SH3TC1: variants seen among roughly 807,000 people sequenced by gnomAD.
SH3TC1 encodes the protein SH3 domain and tetratricopeptide repeats 1.
In SH3TC1, 135 loss-of-function variants were observed where a neutral mutation model predicts 117.3. The ratio of observed to expected loss-of-function variants is 1.15; its 90% confidence interval spans 1.00 to 1.33. The LOEUF (loss-of-function observed/expected upper bound fraction) is 1.33. Among genes scored for constraint, SH3TC1 ranks in the 40% most tolerant of loss-of-function variants. The probability of loss-of-function intolerance (pLI) is 0.00; values close to 1 mark genes in which losing one functional copy is unlikely to be tolerated. For missense variants in SH3TC1, 2,092 were observed against 1,794.3 expected, an observed-to-expected ratio of 1.17 and a Z score of -3.00; for synonymous variants, 898 against 816.9, an observed-to-expected ratio of 1.10 and a Z score of -1.69.
Position 8,217,099 on chromosome 4 carries a change from G to A in SH3TC1, c.771G>A (p.Pro257=), listed in dbSNP as rs899557601. Residue 257 remains proline, a synonymous_variant, in exon 7 of 18, where the codon CCG becomes CCA. Coordinates refer to ENST00000245105, the MANE Select transcript of SH3TC1 (RefSeq NM_018986.5). ...CCCCGGAAACAGACTCTTCACCGCCGAGCCCCAGCGTGTCCTCCGAGGAGG... is the reference window on the plus strand; with the variant it reads ...CCCCGGAAACAGACTCTTCACCGCCAAGCCCCAGCGTGTCCTCCGAGGAGG... ...EAAPETDSSP[P]SPSVSSEEVA... is the part of the protein sequence containing the mutation. The A allele has an allele frequency of 3.7e-6, 6 of 1,613,220 alleles. No individual in the cohort carries two copies. Among genetic ancestry groups the A allele is most frequent in the African/African-American group, 2.7e-5 (2 of 74,924 alleles).
intron 10 of SH3TC1, chr4:8,224,973 C>G (rs1479736179): frequency 1.6e-6 from 1 of 611,192 alleles, no homozygotes; most frequent in Non-Finnish European, 2.9e-6. Flanking sequence ...GCTGGTTGCA[C>G]CTGACCCTGC....
Position 8,216,160 on chromosome 4 carries a change from G to C in SH3TC1, c.531G>C (p.Trp177Cys), listed in dbSNP as rs1253865348. Residue 177 changes from tryptophan (W) to cysteine (C), a missense_variant, in exon 6 of 18, where the codon TGG (tryptophan) becomes TGC (cysteine). Coordinates refer to ENST00000245105, the MANE Select transcript of SH3TC1 (RefSeq NM_018986.5). ...ACCTGCTCATGGACCAGGCCTTCTG[G>C]CTGCTCTTGCCCAGTGAGGAGGAGG... ...LANLLMDQAF[W>C]LLLPSEEEET... The C allele has an allele frequency of 1.2e-6, 2 of 1,613,684 alleles. No homozygotes were observed. Among genetic ancestry groups the C allele is most frequent in the Admixed American group, 3.3e-5 (2 of 60,010 alleles).
Position 8,183,826 on chromosome 4 carries a change from G to A in SH3TC1, c.-57+1616G>A, listed in dbSNP as rs113313487. 9.7e-3 allele frequency among the ~76,000 whole-genome samples: 1,476 copies of A among 152,120 alleles called. 8 individuals carry two copies. Among genetic ancestry groups the A allele is most frequent in the African/African-American group, 0.017 (719 of 41,480 alleles). The stretch of plus-strand genomic sequence containing the variant: ...TCCTTCGTCTTTACCTAACGCCTTC[G>A]CCTGCCCCGGGATCCCACCCAGGAC... On this transcript the variant is annotated intron_variant, in intron 1 of 16. Coordinates refer to the SH3TC1 transcript ENST00000508641. The surrounding 1 kb of genome is among the most constrained non-coding windows in gnomAD (Gnocchi z 5.4).
chr4:8,188,494 C>G (rs891817606), intron 1 of SH3TC1, among the ~76,000 whole-genome samples: 7 of 152,256 alleles, frequency 4.6e-5, no homozygotes, highest in Non-Finnish European at 7.3e-5. Context: ...CCCCAAGGTG[C>G]TTCAAACCTA....
At chr4:8,195,640 G>A (rs1012468185), upstream of SH3TC1, among the ~76,000 whole-genome samples, 1 of 152,204 alleles carries the variant, frequency 6.6e-6, no homozygotes, top group African/African-American at 2.4e-5. Flanking sequence ...ACCCGTGTGT[G>A]GATGTGGAGC....
chr4:8,215,879 G>A (rs914243546), intron 5 of SH3TC1, among the ~76,000 whole-genome samples: 5 of 152,234 alleles, frequency 3.3e-5, no homozygotes, highest in African/African-American at 1.2e-4. Context: ...ACTTGACCAC[G>A]GTTGCCGCTG....
At position 8,205,603 on chromosome 4, in the gene SH3TC1, C is replaced by G. The variant is rs767824148; in HGVS notation, c.172+237C>G. 6 of 773,552 alleles carry G rather than the reference C, an allele frequency of 7.8e-6. No homozygotes were observed. Among genetic ancestry groups the G allele is most frequent in the Non-Finnish European group, 1.2e-5 (5 of 425,382 alleles). 47.9% of individuals were successfully genotyped at this position (773,552 alleles called of 1,614,324 possible). A position where few individuals can be genotyped will look rare whatever the true frequency, so the allele number is the denominator to read the frequency against. ...AGCTCGTGTTTTTCCAGGGACGCGT[C>G]AGTGATAACAAAACTGGCAAAGAAC... is the stretch of plus-strand genomic sequence containing the variant. On this transcript the variant is annotated intron_variant, in intron 2 of 17. Coordinates refer to ENST00000245105, the MANE Select transcript of SH3TC1 (RefSeq NM_018986.5). The surrounding 1 kb of genome is among the most constrained non-coding windows in gnomAD (Gnocchi z 5.4).
At chr4:8,216,647 T>C (rs1281310151) in intron 6 of SH3TC1, among the ~76,000 whole-genome samples, 4 of 151,064 alleles carry the variant, frequency 2.6e-5, no homozygotes, top group Non-Finnish European at 4.5e-5. Context: ...CTGGGGTCAC[T>C]GGGGCAGTCC....
chr4:8,205,466 G>C lies in SH3TC1; in HGVS notation c.172+100G>C. On this transcript the variant is annotated intron_variant, in intron 2 of 17. Transcript: ENST00000245105. The surrounding 1 kb of genome is among the most constrained non-coding windows in gnomAD (Gnocchi z 5.4). ...CCCTCACCACCCTGCCTGCCTCCAG[G>C]CCTCTTGGGGCTGGGGCTGGAGTCT... 1.4e-6 allele frequency: 2 copies of C among 1,438,292 alleles called. No individual in the cohort carries two copies. The highest frequency in any genetic ancestry group is 1.9e-6 in the Non-Finnish European group (2 of 1,039,492). The allele number at this position is 1,438,292 out of a possible 1,614,324, so 89.1% of individuals were successfully genotyped here.
Position 8,237,771 on chromosome 4 carries a change from G to A in SH3TC1, c.3753+101G>A, listed in dbSNP as rs1351101254. ...TGTGTTCCAGCCTTCCTTAAGAATGGCCCAGTGGCCTCCCTGGAGCGCTGC... is the reference window on the plus strand; with the variant it reads ...TGTGTTCCAGCCTTCCTTAAGAATGACCCAGTGGCCTCCCTGGAGCGCTGC... On this transcript the variant is annotated intron_variant, in intron 17 of 17. Coordinates refer to ENST00000245105, the MANE Select transcript of SH3TC1 (RefSeq NM_018986.5). The A allele has an allele frequency of 3.1e-6, 4 of 1,281,350 alleles. No homozygotes were observed. In the African/African-American group the frequency reaches 4.6e-5, roughly 15 times the overall value. The allele number at this position is 1,281,350 out of a possible 1,614,324, so 79.4% of individuals were successfully genotyped here.
rs983972730 is a variant in SH3TC1 at position 8,232,128 on chromosome 4, C to T, written c.3103C>T (p.Gln1035Ter). The T allele has an allele frequency of 1.2e-6, 2 of 1,609,326 alleles. No homozygotes were observed. The highest frequency in any genetic ancestry group is 1.7e-6 in the Non-Finnish European group (2 of 1,179,452). The change falls in exon 13 of 18, where the codon CAG becomes TAG. Residue 1035 changes from glutamine to a stop codon, truncating the protein, a stop_gained. Coordinates refer to ENST00000245105, the MANE Select transcript of SH3TC1 (RefSeq NM_018986.5). LOFTEE classifies it high-confidence loss of function. ...GGGGCAGCTCCTGGAGACCATCAGC[C>T]AGCTCTACCTGTCCCTGGGCACCGA... ...LEGQLLETIS[Q>*]LYLSLGTERA...
At position 8,218,987 on chromosome 4, in the gene SH3TC1, G is replaced by A. The variant is rs539797916; in HGVS notation, c.917-348G>A. 4.9e-4 allele frequency among the ~76,000 whole-genome samples: 74 copies of A among 152,268 alleles called. 1 individual carries two copies. The highest frequency in any genetic ancestry group is 1.6e-3 in the African/African-American group (67 of 41,546). ...GGGTGGCCTGCGCACCTGTCAGGGG[G>A]ACTAAAGCCCCATGCAGGAGCCGGG... On this transcript the variant is annotated intron_variant, in intron 8 of 17. Coordinates refer to ENST00000245105, the MANE Select transcript of SH3TC1 (RefSeq NM_018986.5).
chr4:8,227,162 GA>G lies in SH3TC1; in HGVS notation c.1469del (p.Glu490GlyfsTer10). 6.2e-7 allele frequency: 1 copy of G among 1,606,826 alleles called. No homozygotes were observed. On this transcript the variant is annotated frameshift_variant, in exon 12 of 18. Transcript: ENST00000245105. LOFTEE classifies it high-confidence loss of function. ...GGAGCCCTCCTTCTGCTTGGAAGCC[GA>G]GGACGACTGGGAGGACCCAGAGGCC... ...PEEPSFCLEA[E>X]DDWEDPEALS...
In SH3TC1 at chr4:8,205,084, T is replaced by C. The variant is rs1425325294; in HGVS notation, c.-28-83T>C. On this transcript the variant is annotated intron_variant, in intron 1 of 17. Transcript: ENST00000245105. The surrounding 1 kb of genome is among the most constrained non-coding windows in gnomAD (Gnocchi z 5.4). ...GGCGCTCAGCAACGCTGGTGTTCTC[T>C]TTCTGGACCCCAGGCCTGGACACAA... 6 of 1,199,632 alleles carry C rather than the reference T, an allele frequency of 5.0e-6. No homozygotes were observed. In the East Asian group the frequency reaches 1.6e-4, roughly 32 times the overall value. The allele number at this position is 1,199,632 out of a possible 1,614,324, so 74.3% of individuals were successfully genotyped here. A position where few individuals can be genotyped will look rare whatever the true frequency, so the allele number is the denominator to read the frequency against.
Position 8,228,490 on chromosome 4 carries a change from G to C in SH3TC1, c.2796G>C (p.Leu932=), listed in dbSNP as rs1354280801. Residue 932 remains leucine (L), a synonymous_variant, in exon 12 of 18, where the codon CTG becomes CTC. Transcript: ENST00000245105. ...AQHYLLEAVR[L]FSRLPLGECG... is the part of the protein sequence containing the mutation. ...ACTACCTCCTGGAGGCCGTGCGGCT[G>C]TTCTCGAGGCTGCCCCTTGGGGAGT... 6.2e-7 allele frequency: 1 copy of C among 1,611,180 alleles called. No individual in the cohort carries two copies. Among genetic ancestry groups the C allele is most frequent in the Non-Finnish European group, 8.5e-7 (1 of 1,179,388 alleles).
chr4:8,233,341 T>C (rs1165624532), intron 13 of SH3TC1, 22 bp from the exon 14 acceptor site: 1 of 1,589,350 alleles, frequency 6.3e-7, no homozygotes, highest in Non-Finnish European at 8.6e-7. Flanking sequence ...GCCCTTGTTC[T>C]GACACCTGTG....
intron 2 of SH3TC1, among the ~76,000 whole-genome samples, chr4:8,208,015 C>T (rs751842547): frequency 2.9e-4 from 44 of 152,200 alleles, no homozygotes; most frequent in Non-Finnish European, 4.9e-4. Context: ...TCAGCAGTGG[C>T]GGGCTGGACA....
chr4:8,189,320 G>A (rs141447735), intron 1 of SH3TC1, among the ~76,000 whole-genome samples: 89 of 152,400 alleles, frequency 5.8e-4, no homozygotes, highest in African/African-American at 1.9e-3. Flanking sequence ...GAAGCAAGTG[G>A]TGGTGACAGA....
At position 8,205,027 on chromosome 4, in the gene SH3TC1, C is replaced by T. The variant is rs1013722877; in HGVS notation, c.-28-140C>T. On this transcript the variant is annotated intron_variant, in intron 1 of 17. Coordinates refer to ENST00000245105, the MANE Select transcript of SH3TC1 (RefSeq NM_018986.5). The surrounding 1 kb of genome is among the most constrained non-coding windows in gnomAD (Gnocchi z 5.4). ...GCCCACCACAACACGGTGCACGGTG[C>T]GGTGAGGGGCTCGCTGGATCTGAAA... 8 of 604,708 alleles carry T rather than the reference C, an allele frequency of 1.3e-5. No homozygotes were observed. The highest frequency in any genetic ancestry group is 5.7e-5 in the African/African-American group (3 of 53,054). 37.5% of individuals were successfully genotyped at this position (604,708 alleles called of 1,614,324 possible).
Sources: gnomAD v4.1 joint callset for allele counts (sites outside exome capture counted in the v4.1 genomes callset) on GRCh38, gnomAD v4.1.1 for gene constraint, Gnocchi (gnomAD v3.1) non-coding constraint, MANE v1.5 for transcripts, NCBI Gene and HGNC (gene_info 2026-07-23, HGNC 2026-07-21) for gene names.